The following SLCO4C1 variants were observed in gnomAD, a reference collection of about 807,000 sequenced individuals.
SLCO4C1 encodes the protein organic anion transporter M1.
Under a neutral mutation model 72.1 loss-of-function variants are expected in SLCO4C1, and 58 were observed. The observed-to-expected ratio is 0.80, with a 90% CI of 0.65 to 1.00. SLCO4C1 has a LOEUF of 1.00. Among genes scored for constraint, SLCO4C1 ranks in the 50% least tolerant of loss-of-function variants. The probability of loss-of-function intolerance (pLI) is 0.00; values close to 1 mark genes in which losing one functional copy is unlikely to be tolerated. For synonymous variants in SLCO4C1, 297 were observed against 312.5 expected (o/e 0.95, Z 0.52); for missense variants, 898 against 857.9 (o/e 1.05, Z -0.58).
At chr5:102,251,988 G>A (rs75565874) in intron 8 of SLCO4C1, among the ~76,000 whole-genome samples, 1,548 of 151,502 alleles carry the variant, frequency 0.01, 25 homozygotes, top group African/African-American at 0.036. Context: ...TAGAAGGAAC[G>A]GAATGAGGGA....
intron 2 of SLCO4C1, among the ~76,000 whole-genome samples, chr5:102,271,889 T>C (rs1175588635): frequency 6.6e-6 from 1 of 152,086 alleles, no homozygotes; most frequent in Non-Finnish European, 1.5e-5. Flanking sequence ...AATATGTGTG[T>C]ATATGTTGCG....
intron 12 of SLCO4C1, among the ~76,000 whole-genome samples, chr5:102,238,494 A>G (rs532266008): frequency 7.2e-5 from 11 of 152,268 alleles, no homozygotes; most frequent in Admixed American, 7.2e-4. Context: ...CAACTCAGAA[A>G]GCATACTCTG....
At chr5:102,266,015 A>G (rs1749031821) in intron 3 of SLCO4C1, among the ~76,000 whole-genome samples, 1 of 152,042 alleles carries the variant, frequency 6.6e-6, no homozygotes, top group African/African-American at 2.4e-5. Context: ...TTTCCTTTAA[A>G]GATTCTCGCC....
intron 3 of SLCO4C1, among the ~76,000 whole-genome samples, chr5:102,268,210 G>A (rs3096196): frequency 0.75 from 114,483 of 151,980 alleles, 43,184 homozygotes; most frequent in Middle Eastern, 0.84. Context: ...CTGTTATTAT[G>A]TTGGGGTCCA....
intron 10 of SLCO4C1, among the ~76,000 whole-genome samples, chr5:102,246,373 C>T (rs1300553396): frequency 6.6e-6 from 1 of 151,974 alleles, no homozygotes; most frequent in Admixed American, 6.6e-5. Context: ...CTATGAGCAA[C>T]AATATGCCAA....
intron 10 of SLCO4C1, among the ~76,000 whole-genome samples, chr5:102,241,862 C>A (rs1006272541): frequency 1.3e-5 from 2 of 151,582 alleles, no homozygotes; most frequent in Non-Finnish European, 2.9e-5. Context: ...GAAAAAAAAA[C>A]ACAACACTTT....
chr5:102,242,791 G>A lies in SLCO4C1; in HGVS notation c.1812-2009C>T, dbSNP rs145933102. 3.3e-5 allele frequency among the ~76,000 whole-genome samples: 5 copies of A among 152,230 alleles called. No individual in the cohort carries two copies. In the East Asian group the frequency reaches 5.8e-4, roughly 18 times the overall value. On this transcript the variant is annotated intron_variant, in intron 10 of 12. Coordinates refer to ENST00000310954, the MANE Select transcript of SLCO4C1 (RefSeq NM_180991.5). ...AGCACATTACCAGCTTGGTGGCTAC[G>A]GGGCAAAACTCGTTCTGCTTCAGAA...
chr5:102,256,861 C>A (rs995499038), intron 8 of SLCO4C1, among the ~76,000 whole-genome samples: 5 of 152,126 alleles, frequency 3.3e-5, no homozygotes, highest in Non-Finnish European at 5.9e-5. Context: ...CAGTATTAAT[C>A]TTTGTATCAC....
intron 2 of SLCO4C1, among the ~76,000 whole-genome samples, chr5:102,286,899 A>G (rs1749462800): frequency 6.6e-6 from 1 of 152,192 alleles, no homozygotes; most frequent in African/African-American, 2.4e-5. Flanking sequence ...CATGTTTATC[A>G]TATTTTATGT....
chr5:102,260,349 T>A, intron 5 of SLCO4C1, 30 bp from the exon 6 acceptor site: 1 of 285,516 alleles, frequency 3.5e-6, no homozygotes, highest in Non-Finnish European at 5.5e-6. Flanking sequence ...ATATATATAA[T>A]ATATATATTA....
chr5:102,282,914 G>C (rs1267108977), intron 2 of SLCO4C1, among the ~76,000 whole-genome samples: 1 of 151,842 alleles, frequency 6.6e-6, no homozygotes, highest in Non-Finnish European at 1.5e-5. Context: ...ATTTTTGTTT[G>C]TGTGTTCCTA....
intron 1 of SLCO4C1, among the ~76,000 whole-genome samples, chr5:102,293,741 T>G (rs1053301727): frequency 2.0e-4 from 27 of 136,460 alleles, no homozygotes; most frequent in Admixed American, 4.7e-4. Context: ...TTTTTATTAT[T>G]ATACTTTTTT....
chr5:102,241,638 G>A (rs1748541739), intron 10 of SLCO4C1, among the ~76,000 whole-genome samples: 1 of 152,012 alleles, frequency 6.6e-6, no homozygotes, highest in African/African-American at 2.4e-5. Flanking sequence ...TTATGAATTG[G>A]AGGAATAAAT....
At chr5:102,264,094 T>C (rs765879166) in intron 3 of SLCO4C1, among the ~76,000 whole-genome samples, 2 of 152,112 alleles carry the variant, frequency 1.3e-5, no homozygotes, top group African/African-American at 4.8e-5. Flanking sequence ...GTGATCATAG[T>C]TACACTTTAC....
Position 102,263,683 on chromosome 5 carries a change from C to G in SLCO4C1, c.899+1G>C. The G allele has an allele frequency of 6.2e-7, 1 of 1,608,568 alleles. No individual in the cohort carries two copies. Among genetic ancestry groups the G allele is most frequent in the Non-Finnish European group, 8.5e-7 (1 of 1,177,124 alleles). ...TAAAAGAAAAATAGATACTGCCTTG[C>G]CTTTCTCCCATAGCAACATCAATGT... On this transcript the variant is annotated splice_donor_variant, in intron 4 of 12. Transcript: ENST00000310954. LOFTEE classifies it high-confidence loss of function.
At chr5:102,256,362 T>C (rs912797142) in intron 8 of SLCO4C1, among the ~76,000 whole-genome samples, 5 of 152,226 alleles carry the variant, frequency 3.3e-5, no homozygotes, top group African/African-American at 7.2e-5. Flanking sequence ...AGATTATATT[T>C]ATATCATCTA....
At chr5:102,267,821 G>GT (rs1254290214) in intron 3 of SLCO4C1, among the ~76,000 whole-genome samples, 1 of 151,858 alleles carries the variant, frequency 6.6e-6, no homozygotes, top group Non-Finnish European at 1.5e-5. Context: ...CTAATTTCAT[G>GT]TAATTCCTTC....
chr5:102,286,699 C>G (rs1749458446), intron 2 of SLCO4C1, among the ~76,000 whole-genome samples: 1 of 152,148 alleles, frequency 6.6e-6, no homozygotes, highest in Middle Eastern at 3.4e-3. Context: ...TTGATCATCT[C>G]CATTCAAAGT....
In SLCO4C1 at chr5:102,249,622, A is replaced by G; in HGVS notation, c.1620+16T>C. The G allele has an allele frequency of 6.2e-7, 1 of 1,613,266 alleles. No homozygotes were observed. The highest frequency in any genetic ancestry group is 8.5e-7 in the Non-Finnish European group (1 of 1,179,614). On this transcript the variant is annotated intron_variant, in intron 9 of 12. Coordinates refer to ENST00000310954, the MANE Select transcript of SLCO4C1 (RefSeq NM_180991.5). The stretch of plus-strand genomic sequence containing the variant: ...CATATTGCCTCATTAAGGGAAAAGT[A>G]GGAGACATAAGCTACCTTTGGCTTC...
Sources: allele counts gnomAD v4.1 joint callset (sites outside exome capture counted in the v4.1 genomes callset), GRCh38; gene constraint gnomAD v4.1.1; transcripts MANE v1.5; gene names NCBI Gene and HGNC (gene_info 2026-07-23, HGNC 2026-07-21).